The following PRRC1 variants were observed in gnomAD, a reference collection of about 807,000 sequenced individuals.
The protein encoded by PRRC1 is protein PRRC1.
A neutral mutation model predicts 40.7 loss-of-function variants in PRRC1; 39 were observed. That is an observed-to-expected ratio of 0.96 (90% CI 0.74 to 1.25). The LOEUF (loss-of-function observed/expected upper bound fraction) is 1.25, where lower values mean the gene tolerates loss of function less well. PRRC1 is among the 50% of genes most tolerant of loss of function. The pLI is 0.00. For synonymous variants in PRRC1, 175 were observed against 193.3 expected, an observed-to-expected ratio of 0.91 and a Z score of 0.79; for missense variants, 573 against 548.3, an observed-to-expected ratio of 1.05 and a Z score of -0.45.
chr5:127,533,892 A>G, intron 6 of PRRC1, 106 bp downstream of exon 6: 1 of 1,216,766 alleles, frequency 8.2e-7, no homozygotes, highest in South Asian at 1.3e-5. Flanking sequence ...TTACATACTG[A>G]AATAACAATG....
intron 2 of PRRC1, 113 bp from the exon 3 acceptor site, chr5:127,524,418 G>T (rs1767545891): frequency 3.3e-6 from 3 of 911,076 alleles, no homozygotes; most frequent in African/African-American, 1.7e-5. Flanking sequence ...ATAATTCTTG[G>T]GATATGCTTT....
intron 1 of PRRC1, among the ~76,000 whole-genome samples, chr5:127,518,338 G>A (rs139449332): frequency 1.4e-4 from 21 of 152,348 alleles, no homozygotes; most frequent in Non-Finnish European, 2.8e-4. Context: ...GCTTAGCGCC[G>A]CTTGGGAGAG....
At chr5:127,526,882 A>AAAGAATT in intron 4 of PRRC1, 104 bp downstream of exon 4, 3 of 1,015,226 alleles carry the variant, frequency 3.0e-6, no homozygotes, top group Non-Finnish European at 4.1e-6. Context: ...GAAAAATAAA[A>AAAGAATT]TTCTTTTTTA....
At chr5:127,534,671 T>A (rs1767850329) in intron 6 of PRRC1, among the ~76,000 whole-genome samples, 1 of 152,218 alleles carries the variant, frequency 6.6e-6, no homozygotes, top group African/African-American at 2.4e-5. Context: ...GACGGTCACC[T>A]TCTCATCAAT....
chr5:127,522,211 A>G (rs990450243), intron 1 of PRRC1, among the ~76,000 whole-genome samples: 16 of 152,340 alleles, frequency 1.1e-4, no homozygotes, highest in Admixed American at 6.5e-4. Flanking sequence ...TTGTAATTTT[A>G]AAGAAAGTTT....
At chr5:127,548,458 T>TTTC (rs1263242463) in intron 8 of PRRC1, 1 of 148,688 alleles carries the variant, frequency 6.7e-6, no homozygotes, top group Non-Finnish European at 1.5e-5. Flanking sequence ...TTATTCCTCT[T>TTTC]TTTTTTTTTT....
chr5:127,552,141 A>C lies in PRRC1; in HGVS notation c.*225A>C, dbSNP rs1648005659. On this transcript the variant is annotated 3_prime_UTR_variant, in exon 9 of 9. Coordinates refer to ENST00000296666, the MANE Select transcript of PRRC1 (RefSeq NM_130809.5). The stretch of plus-strand genomic sequence containing the variant: ...TACCATTTCACCTATCATAGTACTC[A>C]AAAAAGAAAATATACAAATCTATTT... 1 of 1,331,006 alleles carries C rather than the reference A, an allele frequency of 7.5e-7. No homozygotes were observed. 82.4% of individuals were successfully genotyped at this position (1,331,006 alleles called of 1,614,324 possible).
chr5:127,537,136 GTTT>G (rs1268315560), intron 6 of PRRC1, among the ~76,000 whole-genome samples: 1 of 151,478 alleles, frequency 6.6e-6, no homozygotes, highest in Non-Finnish European at 1.5e-5. Flanking sequence ...TATGACTACT[GTTT>G]TATATAGTTT....
intron 7 of PRRC1, among the ~76,000 whole-genome samples, chr5:127,547,140 TG>T (rs1250583376): frequency 6.6e-6 from 1 of 152,152 alleles, no homozygotes; most frequent in Admixed American, 6.5e-5. Context: ...TGAGGGTATC[TG>T]GCTGTTTCAT....
At chr5:127,544,067 CTGTT>C (rs1768137497) in intron 7 of PRRC1, among the ~76,000 whole-genome samples, 1 of 152,112 alleles carries the variant, frequency 6.6e-6, no homozygotes, top group Admixed American at 6.5e-5. Context: ...GATGTCCTTT[CTGTT>C]TGTTAGTTTT....
At chr5:127,521,995 T>G (rs1767472829) in intron 1 of PRRC1, among the ~76,000 whole-genome samples, 1 of 152,238 alleles carries the variant, frequency 6.6e-6, no homozygotes. Context: ...CCATTCATTG[T>G]AAATTGGTTT....
chr5:127,528,446 C>A (rs1434448123), intron 4 of PRRC1, among the ~76,000 whole-genome samples: 1 of 152,092 alleles, frequency 6.6e-6, no homozygotes, highest in Non-Finnish European at 1.5e-5. Flanking sequence ...TCCCAAGTAG[C>A]TGGGATTACA....
At position 127,524,598 on chromosome 5, in the gene PRRC1, T is replaced by C. The variant is rs770992823; in HGVS notation, c.171T>C (p.Ser57=). 1.2e-6 allele frequency: 2 copies of C among 1,614,038 alleles called. No homozygotes were observed. The change falls in exon 3 of 9, where the codon TCT becomes TCC. Residue 57 remains serine (S), a synonymous_variant. Coordinates refer to ENST00000296666, the MANE Select transcript of PRRC1 (RefSeq NM_130809.5). ...SMESFPPLAY[S]TPQPPLPPVR... The stretch of plus-strand genomic sequence containing the variant: ...AGTCCTTCCCACCACTCGCATACTC[T>C]ACTCCTCAGCCGCCCCTTCCTCCTG...
At chr5:127,531,260 G>A (rs997529904) in intron 5 of PRRC1, among the ~76,000 whole-genome samples, 1 of 152,158 alleles carries the variant, frequency 6.6e-6, no homozygotes, top group Non-Finnish European at 1.5e-5. Flanking sequence ...TCTAGGTTTG[G>A]AGGGATGTAA....
At chr5:127,532,047 G>C (rs970601159) in intron 5 of PRRC1, among the ~76,000 whole-genome samples, 2 of 151,472 alleles carry the variant, frequency 1.3e-5, no homozygotes, top group African/African-American at 4.9e-5. Context: ...CATCTTTACT[G>C]ACAGCAAAGC....
rs115420680 is a variant in PRRC1 at position 127,534,726 on chromosome 5, A to C, written c.921+940A>C. Among the ~76,000 whole-genome samples, 501 of 152,252 alleles carry C rather than the reference A, an allele frequency of 3.3e-3. 1 individual carries two copies. Among genetic ancestry groups the C allele is most frequent in the African/African-American group, 0.012 (488 of 41,530 alleles). ...TGGCTTTAAATACTGTCTCTGTGCT[A>C]ACAGTTCCAAATTTATATCTCCACC... On this transcript the variant is annotated intron_variant, in intron 6 of 8. Coordinates refer to ENST00000296666, the MANE Select transcript of PRRC1 (RefSeq NM_130809.5).
chr5:127,538,928 GTA>G (rs1357710303), intron 6 of PRRC1, 110 bp from the exon 7 acceptor site: 2 of 671,420 alleles, frequency 3.0e-6, no homozygotes, highest in Admixed American at 2.9e-5. Context: ...TTTACAGTGA[GTA>G]TATATATGTG....
At chr5:127,518,298 G>A (rs1381988370) in intron 1 of PRRC1, among the ~76,000 whole-genome samples, 1 of 152,238 alleles carries the variant, frequency 6.6e-6, no homozygotes, top group Non-Finnish European at 1.5e-5. Context: ...ATGAAAGGAA[G>A]CTTATTTTCC....
At chr5:127,547,135 G>A (rs776856934) in intron 7 of PRRC1, among the ~76,000 whole-genome samples, 1 of 151,846 alleles carries the variant, frequency 6.6e-6, no homozygotes, top group Non-Finnish European at 1.5e-5. Flanking sequence ...ATTTTTGAGG[G>A]TATCTGGCTG....
Sources: gnomAD v4.1 joint callset for allele counts (sites outside exome capture counted in the v4.1 genomes callset) on GRCh38, gnomAD v4.1.1 for gene constraint, MANE v1.5 for transcripts, NCBI Gene and HGNC (gene_info 2026-07-23, HGNC 2026-07-21) for gene names.